Variants in STK4 observed in about 807,000 individuals in gnomAD.
The protein encoded by STK4 is serine/threonine-protein kinase 4.
A neutral mutation model predicts 64.9 loss-of-function variants in STK4; 30 were observed. The ratio of observed to expected loss-of-function variants is 0.46; its 90% CI spans 0.35 to 0.63. The LOEUF (loss-of-function observed/expected upper bound fraction) is 0.63, where lower values mean the gene tolerates loss of function less well. Among genes scored for constraint, STK4 ranks in the 20% least tolerant of loss-of-function variants. The pLI is 0.01. For missense variants in STK4, 466 were observed against 598.5 expected (o/e 0.78, Z 2.31); for synonymous variants, 177 against 199.0 (o/e 0.89, Z 0.93).
chr20:44,966,648 G>GA, intron 1 of STK4, 45 bp downstream of exon 1: 3 of 1,261,864 alleles, frequency 2.4e-6, no homozygotes, highest in Non-Finnish European at 2.0e-6. Flanking sequence ...GTCAGGGGAA[G>GA]AAAAGGCGGG....
intron 3 of STK4, among the ~76,000 whole-genome samples, chr20:44,979,760 T>C (rs1451273929): frequency 6.6e-6 from 1 of 151,964 alleles, no homozygotes. Context: ...CTTTCTTTTT[T>C]CTCTCCCTTC....
At chr20:45,046,701 A>G (rs145728693) in intron 10 of STK4, among the ~76,000 whole-genome samples, 10 of 148,120 alleles carry the variant, frequency 6.8e-5, no homozygotes, top group African/African-American at 2.5e-4. Flanking sequence ...TTTTTTTCCG[A>G]GATGAAGCCT....
intron 4 of STK4, among the ~76,000 whole-genome samples, chr20:44,985,240 A>G (rs2067511947): frequency 6.6e-6 from 1 of 152,250 alleles, no homozygotes; most frequent in Non-Finnish European, 1.5e-5. Flanking sequence ...GTATAAAATG[A>G]TGATGATAAT....
intron 10 of STK4, among the ~76,000 whole-genome samples, chr20:45,047,359 G>A (rs867980271): frequency 6.6e-6 from 1 of 152,158 alleles, no homozygotes; most frequent in Non-Finnish European, 1.5e-5. Context: ...AATAACGCAC[G>A]TTTGTTTGTG....
At chr20:45,006,183 T>G (rs936410128) in intron 9 of STK4, among the ~76,000 whole-genome samples, 2 of 151,602 alleles carry the variant, frequency 1.3e-5, no homozygotes, top group African/African-American at 4.8e-5. Flanking sequence ...GGTTTCTCTA[T>G]TATTATTATT....
At chr20:44,979,798 T>G (rs2067405553) in intron 3 of STK4, among the ~76,000 whole-genome samples, 1 of 152,040 alleles carries the variant, frequency 6.6e-6, no homozygotes, top group Non-Finnish European at 1.5e-5. Flanking sequence ...TTTTTGTGAT[T>G]ACTGTCTACT....
chr20:45,007,795 G>A (rs776318716), intron 9 of STK4: 1 of 422,854 alleles, frequency 2.4e-6, no homozygotes, highest in South Asian at 1.7e-5. Context: ...TTACATACAG[G>A]GGGTACATGT....
At chr20:44,988,700 A>G (rs912317040) in intron 5 of STK4, among the ~76,000 whole-genome samples, 7 of 151,656 alleles carry the variant, frequency 4.6e-5, no homozygotes, top group Non-Finnish European at 7.4e-5. Flanking sequence ...AGTGTTTAGT[A>G]TATTCACAAA....
intron 10 of STK4, among the ~76,000 whole-genome samples, chr20:45,050,186 G>A (rs1323136550): frequency 1.3e-5 from 2 of 152,188 alleles, no homozygotes; most frequent in Admixed American, 1.3e-4. Flanking sequence ...GGTGTGTGGG[G>A]ACTGGGAAAG....
At chr20:45,057,414 G>A (rs1460306159) in intron 10 of STK4, among the ~76,000 whole-genome samples, 1 of 152,192 alleles carries the variant, frequency 6.6e-6, no homozygotes, top group African/African-American at 2.4e-5. Flanking sequence ...CTATATGCTT[G>A]TGTTATTAAC....
At chr20:45,067,907 A>C (rs928209484) in intron 10 of STK4, among the ~76,000 whole-genome samples, 10 of 152,280 alleles carry the variant, frequency 6.6e-5, no homozygotes, top group Admixed American at 6.5e-5. Context: ...AGTTCAATAG[A>C]GGTGCCTCTG....
chr20:44,969,023 G>GT (rs922729859), intron 1 of STK4, among the ~76,000 whole-genome samples: 78 of 152,238 alleles, frequency 5.1e-4, no homozygotes, highest in African/African-American at 1.8e-3. Flanking sequence ...CCATCTCCCT[G>GT]TGTCTCCATG....
intron 4 of STK4, among the ~76,000 whole-genome samples, chr20:44,985,728 G>A (rs982927388): frequency 6.6e-6 from 1 of 152,164 alleles, no homozygotes; most frequent in Non-Finnish European, 1.5e-5. Flanking sequence ...CATATTAATT[G>A]ATTTTCATGA....
chr20:44,970,752 A>T (rs919749204), intron 1 of STK4: 1 of 152,106 alleles, frequency 6.6e-6, no homozygotes, highest in Non-Finnish European at 1.5e-5. Flanking sequence ...ATAGTCCTTG[A>T]TATTCATAAA....
chr20:45,048,816 T>A (rs959303844), intron 10 of STK4, among the ~76,000 whole-genome samples: 3 of 152,118 alleles, frequency 2.0e-5, no homozygotes, highest in African/African-American at 7.2e-5. Flanking sequence ...TGAGCTTAAT[T>A]CTGTTATGAC....
At chr20:45,005,707 C>T (rs1404993786) in intron 9 of STK4, among the ~76,000 whole-genome samples, 1 of 147,252 alleles carries the variant, frequency 6.8e-6, no homozygotes, top group Admixed American at 6.8e-5. Flanking sequence ...AGAGTCAATA[C>T]AATTTATGAA....
chr20:45,046,606 C>T (rs1332805112), intron 10 of STK4, among the ~76,000 whole-genome samples: 1 of 151,630 alleles, frequency 6.6e-6, no homozygotes, highest in Non-Finnish European at 1.5e-5. Flanking sequence ...TTTTTCTTCT[C>T]TTCTACTCTG....
chr20:45,006,196 T>G (rs1486348865), intron 9 of STK4, among the ~76,000 whole-genome samples: 2 of 151,618 alleles, frequency 1.3e-5, no homozygotes, highest in Non-Finnish European at 2.9e-5. Context: ...TTATTATTTT[T>G]TCTAGGATTT....
At chr20:45,061,726 G>A (rs1979026502) in intron 10 of STK4, among the ~76,000 whole-genome samples, 1 of 151,502 alleles carries the variant, frequency 6.6e-6, no homozygotes, top group Non-Finnish European at 1.5e-5. Flanking sequence ...CCCAATAGGT[G>A]ATTTATTGAT....
Sources: gnomAD v4.1 joint callset for allele counts (sites outside exome capture counted in the v4.1 genomes callset) on GRCh38, gnomAD v4.1.1 for gene constraint, MANE v1.5 for transcripts, NCBI Gene and HGNC (gene_info 2026-07-23, HGNC 2026-07-21) for gene names.